The following GPR143 variants were observed in gnomAD, a reference collection of about 807,000 sequenced individuals.
GPR143 encodes G-protein coupled receptor 143.
Under a neutral mutation model 27.6 loss-of-function variants are expected in GPR143, and 8 were observed. The observed-to-expected ratio is 0.29, with a 90% CI of 0.17 to 0.52. The LOEUF (loss-of-function observed/expected upper bound fraction) is 0.52, where lower values mean the gene tolerates loss of function less well. GPR143 is among the 20% of genes least tolerant of loss of function. GPR143 has a pLI of 0.96. For synonymous variants in GPR143, 156 were observed against 153.2 expected (o/e 1.02, Z -0.13); for missense variants, 303 against 343.1 (o/e 0.88, Z 0.92).
intron 1 of GPR143, among the ~76,000 whole-genome samples, chrX:9,763,604 AGGGTGAAGAGGGGAGCAGATGAGCC>A (rs2083513325): frequency 1.8e-5 from 2 of 111,728 alleles, no homozygotes; most frequent in African/African-American, 3.3e-5. Context: ...TCCAGTGAGG[AGGGTGAAGAGGGGAGCAGATGAGCC>A]GGGTACCCGT....
intron 6 of GPR143, among the ~76,000 whole-genome samples, chrX:9,742,065 A>G (rs189321075): frequency 8.9e-6 from 1 of 112,548 alleles, no homozygotes; most frequent in African/African-American, 3.2e-5. Context: ...ATAACCCAGA[A>G]TTCATTTTTT....
At position 9,740,029 on chromosome X, in the gene GPR143, G is replaced by C. The variant is rs190882588; in HGVS notation, c.886-310C>G. On this transcript the variant is annotated intron_variant, in intron 7 of 8. Transcript: ENST00000467482. ...GGGACAGAGGACAAGAGAGAGGAGG[G>C]AAGACAGGAGAAGGAGAAAGTGGGA... Among the ~76,000 whole-genome samples the C allele has an allele frequency of 3.7e-5, 4 of 108,859 alleles. No individual in the cohort carries two copies. The East Asian group carries it at 1.2e-3, about 32-fold the overall frequency. 94.5% of individuals were successfully genotyped at this position (108,859 alleles called of 115,157 possible).
intron 8 of GPR143, among the ~76,000 whole-genome samples, chrX:9,735,563 A>C (rs888435708): frequency 7.2e-5 from 8 of 111,487 alleles, no homozygotes; most frequent in Non-Finnish European, 1.5e-4. Context: ...AGGTTTAAAA[A>C]AAAAAACAGT....
chrX:9,750,759 C>G (rs1007586085), intron 3 of GPR143, among the ~76,000 whole-genome samples: 3 of 111,404 alleles, frequency 2.7e-5, no homozygotes, highest in Non-Finnish European at 5.7e-5. Flanking sequence ...GGCAGCATTT[C>G]ACCATGTTGG....
chrX:9,765,635 C>A lies in GPR143; in HGVS notation c.183G>T (p.Ala61=). 1.0e-6 allele frequency: 1 copy of A among 983,973 alleles called. No individual in the cohort carries two copies. The highest frequency in any genetic ancestry group is 1.3e-6 in the Non-Finnish European group (1 of 786,334). The allele number at this position is 983,973 out of a possible 1,213,427, so 81.1% of individuals were successfully genotyped here. Residue 61 remains alanine, a synonymous_variant, in exon 1 of 9, where the codon GCG becomes GCT. Coordinates refer to ENST00000467482, the MANE Select transcript of GPR143 (RefSeq NM_000273.3). ...GRRPAGPGSP[A]TSPPASVRIL... ...TGCGGACCGAGGCCGGCGGGGACGT[C>A]GCGGGGGACCCGGGGCCCGCGGGCC... is the stretch of plus-strand genomic sequence containing the variant.
intron 7 of GPR143, 71 bp from the exon 8 acceptor site, chrX:9,739,790 A>T: frequency 1.0e-5 from 7 of 690,167 alleles, no homozygotes; most frequent in Non-Finnish European, 1.6e-5. Context: ...GGGCTGTCAC[A>T]GAGTGACACA....
intron 3 of GPR143, among the ~76,000 whole-genome samples, chrX:9,749,226 T>TCCCCCCCCCCCCCCCCCCCCC (rs1315734826): frequency 2.7e-5 from 2 of 73,092 alleles, no homozygotes; most frequent in African/African-American, 1.1e-4. Context: ...GGGATTTCCC[T>TCCCCCCCCCCCCCCCCCCCCC]CCCCCCCCAA....
At chrX:9,734,094 AAAAG>A (rs1351110172) in intron 8 of GPR143, among the ~76,000 whole-genome samples, 4 of 108,655 alleles carry the variant, frequency 3.7e-5, no homozygotes, top group African/African-American at 1.0e-4. Flanking sequence ...AAAAAAAAAA[AAAAG>A]AAGAAGAATA....
intron 4 of GPR143, among the ~76,000 whole-genome samples, chrX:9,748,354 G>A (rs1241094534): frequency 2.7e-5 from 3 of 112,844 alleles, no homozygotes; most frequent in African/African-American, 6.4e-5. Context: ...GCACACAAAC[G>A]AGAAAGGCAG....
At chrX:9,726,115 A>T in intron 8 of GPR143, 1 of 344,422 alleles carries the variant, frequency 2.9e-6, no homozygotes. Flanking sequence ...TTGATAGGTG[A>T]CTGCGGCACA....
At chrX:9,746,004 C>A (rs2083426804) in intron 5 of GPR143, 40 bp downstream of exon 5, 1 of 836,347 alleles carries the variant, frequency 1.2e-6, no homozygotes, top group African/African-American at 2.0e-5. Flanking sequence ...TGGGGCCGCT[C>A]CCAGTGGCCG....
In GPR143 at chrX:9,726,004, AAG is replaced by A. The variant is rs2083325016; in HGVS notation, c.1121-166_1121-165del. ...GCAAAAAAAAAAAAAAAAAAAAAAA[AAG>A]GTGGGAGGGGTGGAAATCTACATCA... On this transcript the variant is annotated intron_variant, in intron 8 of 8. Coordinates refer to ENST00000467482, the MANE Select transcript of GPR143 (RefSeq NM_000273.3). The A allele has an allele frequency of 2.1e-5, 14 of 682,414 alleles. No homozygotes were observed. In the African/African-American group the frequency reaches 2.2e-4, roughly 11 times the overall value. 56.2% of individuals were successfully genotyped at this position (682,414 alleles called of 1,213,427 possible).
upstream of GPR143, among the ~76,000 whole-genome samples, chrX:9,767,239 T>TA (rs1300854008): frequency 1.8e-5 from 2 of 109,655 alleles, no homozygotes; most frequent in African/African-American, 3.4e-5. Flanking sequence ...GCCTTTATTT[T>TA]AAAAAAAGAA....
At chrX:9,734,200 G>GAAAT (rs2083368947) in intron 8 of GPR143, among the ~76,000 whole-genome samples, 1 of 111,058 alleles carries the variant, frequency 9.0e-6, no homozygotes, top group Middle Eastern at 4.7e-3. Flanking sequence ...TATTGTGAGA[G>GAAAT]AAATAGGGAA....
chrX:9,725,869 GTGT>G, intron 8 of GPR143, 29 bp from the exon 9 acceptor site: 1 of 1,190,407 alleles, frequency 8.4e-7, no homozygotes, highest in Non-Finnish European at 1.1e-6. Flanking sequence ...AAGACTGACT[GTGT>G]CTGTGTCCTA....
At chrX:9,726,817 T>C (rs1367929062) in intron 8 of GPR143, among the ~76,000 whole-genome samples, 1 of 112,770 alleles carries the variant, frequency 8.9e-6, no homozygotes. Flanking sequence ...CCTTTGGTCC[T>C]GTTTTCTTTA....
At chrX:9,770,323 A>AGAGAGAGAGAGAGGGAGAGAGAGAG (rs2083549800), upstream of GPR143, among the ~76,000 whole-genome samples, 1 of 89,001 alleles carries the variant, frequency 1.1e-5, no homozygotes, top group African/African-American at 4.8e-5. Context: ...AAGAAAGAAA[A>AGAGAGAGAGAGAGGGAGAGAGAGAG]AGAGAGAGAG....
chrX:9,733,064 A>G (rs373511581), intron 8 of GPR143, among the ~76,000 whole-genome samples: 3 of 110,557 alleles, frequency 2.7e-5, no homozygotes, highest in African/African-American at 9.9e-5. Flanking sequence ...GAAAATTCTG[A>G]AGCTTTATCG....
chrX:9,758,068 A>G (rs1307255061), intron 3 of GPR143, among the ~76,000 whole-genome samples: 1 of 111,365 alleles, frequency 9.0e-6, no homozygotes, highest in Non-Finnish European at 1.9e-5. Context: ...CTGGCCTACA[A>G]AGCTGTATTT....
Sources: allele counts gnomAD v4.1 joint callset (sites outside exome capture counted in the v4.1 genomes callset), GRCh38; gene constraint gnomAD v4.1.1; transcripts MANE v1.5; gene names NCBI Gene and HGNC (gene_info 2026-07-23, HGNC 2026-07-21).